The following HLCS variants were observed in gnomAD, a reference collection of about 807,000 sequenced individuals.
The protein encoded by HLCS is holocarboxylase synthetase, also known as biotin--protein ligase.
In HLCS, 53 loss-of-function variants were observed where a neutral mutation model predicts 75.0. The ratio of observed to expected loss-of-function variants is 0.71; its 90% CI spans 0.57 to 0.89. The LOEUF (loss-of-function observed/expected upper bound fraction) is 0.89. Among genes scored for constraint, HLCS ranks in the 40% least tolerant of loss-of-function variants. The pLI is 0.00. For missense variants in HLCS, 966 were observed against 1,074.0 expected (o/e 0.90, Z 1.41); for synonymous variants, 431 against 428.6 (o/e 1.01, Z -0.07).
intron 6 of HLCS, among the ~76,000 whole-genome samples, chr21:36,869,924 C>T (rs1569125278): frequency 6.6e-6 from 1 of 152,098 alleles, no homozygotes; most frequent in South Asian, 2.1e-4. Flanking sequence ...TAGATTCCTG[C>T]TTTGGAATCC....
chr21:36,789,495 T>C (rs940810151), intron 6 of HLCS, among the ~76,000 whole-genome samples: 9 of 152,260 alleles, frequency 5.9e-5, no homozygotes, highest in African/African-American at 1.7e-4. Context: ...ATTTTGTTTG[T>C]GTCCATAAAC....
chr21:36,760,995 C>T (rs2089818383), intron 8 of HLCS, among the ~76,000 whole-genome samples: 1 of 152,244 alleles, frequency 6.6e-6, no homozygotes, highest in South Asian at 2.1e-4. Flanking sequence ...TGGAAGAGAA[C>T]ATTCAGCAAA....
At chr21:36,832,642 A>G (rs2062253233) in intron 6 of HLCS, among the ~76,000 whole-genome samples, 1 of 152,262 alleles carries the variant, frequency 6.6e-6, no homozygotes, top group Non-Finnish European at 1.5e-5. Flanking sequence ...TGACTTGCCC[A>G]AAGTCACACA....
Position 36,765,092 on chromosome 21 carries a change from G to A in HLCS, c.2041C>T (p.Leu681=), listed in dbSNP as rs2145768179. ...TGGACAAACGGGATCCTCTGTCCCA[G>A]CTGGGATCTCAGTGGAATGGAGATG... is the stretch of plus-strand genomic sequence containing the variant. ...LLISIPLRSQ[L]GQRIPFVQHL... Residue 681 remains leucine, a synonymous_variant, in exon 8 of 11, where the codon CTG becomes TTG. Transcript: ENST00000674895. 6.2e-7 allele frequency: 1 copy of A among 1,614,184 alleles called. No individual in the cohort carries two copies.
chr21:36,840,304 T>A (rs954656997), intron 6 of HLCS, among the ~76,000 whole-genome samples: 9 of 152,334 alleles, frequency 5.9e-5, no homozygotes, highest in African/African-American at 9.6e-5. Context: ...AAAATTTTTT[T>A]AAAATAATAA....
chr21:36,879,434 A>G (rs2064119522), intron 6 of HLCS, among the ~76,000 whole-genome samples: 1 of 152,246 alleles, frequency 6.6e-6, no homozygotes, highest in Non-Finnish European at 1.5e-5. Flanking sequence ...AAAAGACTAG[A>G]AGGAGATACA....
chr21:36,836,973 C>G (rs893619507), intron 6 of HLCS, among the ~76,000 whole-genome samples: 10 of 152,140 alleles, frequency 6.6e-5, no homozygotes, highest in Non-Finnish European at 1.5e-4. Flanking sequence ...CACCTGAGGT[C>G]ATGAGTTCAA....
chr21:36,915,608 G>A (rs1019095134), intron 5 of HLCS, among the ~76,000 whole-genome samples: 2 of 152,208 alleles, frequency 1.3e-5, no homozygotes, highest in Admixed American at 6.5e-5. Flanking sequence ...AAGAAGCTCC[G>A]GCTCAGAAGG....
intron 2 of HLCS, among the ~76,000 whole-genome samples, chr21:36,958,956 C>A (rs968821238): frequency 9.2e-5 from 14 of 152,192 alleles, no homozygotes; most frequent in Non-Finnish European, 1.9e-4. Flanking sequence ...CAGCTGCAGC[C>A]AGTCTGGAGC....
chr21:36,908,313 C>T (rs1381422602), intron 5 of HLCS, among the ~76,000 whole-genome samples: 1 of 151,654 alleles, frequency 6.6e-6, no homozygotes, highest in Non-Finnish European at 1.5e-5. Flanking sequence ...CACTTGAGCC[C>T]AGGAATTCAA....
In HLCS at chr21:36,980,026, CAAAAAAAAAA is replaced by C. The variant is rs71198844; in HGVS notation, c.-393+10122_-393+10131del. ...TGGGCGACAGAGCAAGTCCCCATCTCAAAAAAAAAAAAAAAAAAAAAAAAAAAAGGCTGGG... is the reference window on the plus strand; with the variant it reads ...TGGGCGACAGAGCAAGTCCCCATCTCAAAAAAAAAAAAAAAAAAGGCTGGG... On this transcript the variant is annotated intron_variant, in intron 1 of 11. Transcript: ENST00000336648. Among the ~76,000 whole-genome samples the C allele has an allele frequency of 2.6e-3, 145 of 55,122 alleles. 1 individual carries two copies. Among genetic ancestry groups the C allele is most frequent in the African/African-American group, 0.011 (130 of 12,228 alleles). The allele number at this position is 55,122 out of a possible 152,430, so 36.2% of individuals were successfully genotyped here.
intron 6 of HLCS, among the ~76,000 whole-genome samples, chr21:36,840,991 G>A (rs1202321147): frequency 6.6e-6 from 1 of 152,006 alleles, no homozygotes; most frequent in Non-Finnish European, 1.5e-5. Context: ...TCAAAGAGGG[G>A]TGGGACAACA....
Position 36,966,425 on chromosome 21 carries a change from G to GGGGGGCCCC in HLCS, c.195+18_195+19insGGGGCCCCC. 5.1e-6 allele frequency: 1 copy of GGGGGGCCCC among 195,440 alleles called. No homozygotes were observed. Among genetic ancestry groups the GGGGGGCCCC allele is most frequent in the Non-Finnish European group, 8.6e-6 (1 of 116,692 alleles). The allele number at this position is 195,440 out of a possible 1,614,324, so 12.1% of individuals were successfully genotyped here. ...CCGGCTCGCGGGGCCCGGGTCGCCC[G>GGGGGGCCCC]CCCGCCCGACCCGCCCACCTGGCTG... On this transcript the variant is annotated intron_variant, in intron 1 of 10. Coordinates refer to ENST00000674895, the MANE Select transcript of HLCS (RefSeq NM_001352514.2).
chr21:36,915,632 A>G (rs551472787), intron 5 of HLCS, among the ~76,000 whole-genome samples: 13 of 152,358 alleles, frequency 8.5e-5, no homozygotes, highest in South Asian at 8.3e-4. Context: ...ATTCGTTCAT[A>G]GGAGAAAAGC....
Position 36,936,658 on chromosome 21 carries a change from G to A in HLCS, c.1228C>T (p.Leu410=). The change falls in exon 4 of 11, where the codon CTG becomes TTG. Residue 410 remains leucine (L), a synonymous_variant. Transcript: ENST00000674895. ...ACCAAGTTCTGGACTGTCTTGTGCAGTGCACCCTTGCTTGTCACCTGAAAG... is the reference window on the plus strand; with the variant it reads ...ACCAAGTTCTGGACTGTCTTGTGCAATGCACCCTTGCTTGTCACCTGAAAG... ...GGFQVTSKGA[L]HKTVQNLVFS... The A allele has an allele frequency of 1.2e-6, 2 of 1,614,222 alleles. No individual in the cohort carries two copies. Among genetic ancestry groups the A allele is most frequent in the East Asian group, 2.2e-5 (1 of 44,880 alleles).
intron 6 of HLCS, among the ~76,000 whole-genome samples, chr21:36,849,443 C>CTT: frequency 6.6e-6 from 1 of 152,366 alleles, no homozygotes; most frequent in Middle Eastern, 3.4e-3. Context: ...ACTCTGGCAG[C>CTT]TTTTTGCTGG....
At chr21:36,982,786 T>C (rs1728572715) in intron 1 of HLCS, among the ~76,000 whole-genome samples, 1 of 152,140 alleles carries the variant, frequency 6.6e-6, no homozygotes, top group Non-Finnish European at 1.5e-5. Context: ...ATCCTAGCAC[T>C]TTGGGAGACC....
chr21:36,961,490 C>A (rs2068287076), intron 2 of HLCS, among the ~76,000 whole-genome samples: 1 of 151,976 alleles, frequency 6.6e-6, no homozygotes, highest in South Asian at 2.1e-4. Flanking sequence ...TGTACTCCAG[C>A]CTAGGTGACA....
chr21:36,829,808 C>T lies in HLCS; in HGVS notation c.1893-62523G>A, dbSNP rs555570726. Among the ~76,000 whole-genome samples the T allele has an allele frequency of 2.0e-5, 3 of 152,306 alleles. No individual in the cohort carries two copies. The East Asian group carries it at 5.8e-4, about 29-fold the overall frequency. ...AGTGAAGCCAGCCCCTCTCCCCGGC[C>T]CTCTCCCGCAGAGGGAAGGAGGGGC... On this transcript the variant is annotated intron_variant, in intron 6 of 10. Transcript: ENST00000674895.
Sources: allele counts gnomAD v4.1 joint callset (sites outside exome capture counted in the v4.1 genomes callset), GRCh38; gene constraint gnomAD v4.1.1; transcripts MANE v1.5; gene names NCBI Gene and HGNC (gene_info 2026-07-23, HGNC 2026-07-21).